The following SLC25A36 variants were observed in gnomAD, a reference collection of about 807,000 sequenced individuals.
SLC25A36 encodes epididymis secretory sperm binding protein.
A neutral mutation model predicts 35.3 loss-of-function variants in SLC25A36; 24 were observed. The observed-to-expected ratio is 0.68, with a 90% CI of 0.49 to 0.96. The LOEUF (loss-of-function observed/expected upper bound fraction) is 0.96, where lower values mean the gene tolerates loss of function less well. Among genes scored for constraint, SLC25A36 ranks in the 40% least tolerant of loss-of-function variants. The probability of loss-of-function intolerance (pLI) is 0.00; values close to 1 mark genes in which losing one functional copy is unlikely to be tolerated. For missense variants in SLC25A36, 294 were observed against 381.1 expected (o/e 0.77, Z 1.90); for synonymous variants, 141 against 132.2 (o/e 1.07, Z -0.46).
intron 4 of SLC25A36, chr3:140,964,553 T>C (rs2107804231): frequency 6.6e-6 from 1 of 152,014 alleles, no homozygotes; most frequent in South Asian, 2.1e-4. Flanking sequence ...TGTTGAATAT[T>C]AGTAGATAGG....
intron 2 of SLC25A36, among the ~76,000 whole-genome samples, chr3:140,957,992 A>G (rs936789420): frequency 1.3e-5 from 2 of 151,988 alleles, no homozygotes; most frequent in East Asian, 1.9e-4. Context: ...AGCTCTTTAT[A>G]TATTAATTTA....
chr3:140,960,216 C>T (rs140379474), intron 3 of SLC25A36, among the ~76,000 whole-genome samples: 1 of 152,224 alleles, frequency 6.6e-6, no homozygotes, highest in East Asian at 1.9e-4. Context: ...AAAATCTACA[C>T]AGGGCTAAGG....
chr3:140,976,201 T>A, intron 6 of SLC25A36, 59 bp from the exon 7 acceptor site: 1 of 1,159,010 alleles, frequency 8.6e-7, no homozygotes, highest in Non-Finnish European at 1.2e-6. Context: ...TGTGCTCAGT[T>A]ATAATTAGAA....
intron 5 of SLC25A36, among the ~76,000 whole-genome samples, chr3:140,972,024 T>G (rs1478790168): frequency 6.6e-6 from 1 of 152,236 alleles, no homozygotes; most frequent in Non-Finnish European, 1.5e-5. Context: ...TTGTTTCATC[T>G]GAAATAGATC....
chr3:140,947,954 A>AACT (rs1448871694), intron 1 of SLC25A36, among the ~76,000 whole-genome samples: 1 of 151,232 alleles, frequency 6.6e-6, no homozygotes, highest in Non-Finnish European at 1.5e-5. Context: ...TGGTTTTTTT[A>AACT]ATTATTATTA....
rs1291991939 is a variant in SLC25A36, at chr3:140,979,231, G to GT, written c.*2780dup. On this transcript the variant is annotated 3_prime_UTR_variant, in exon 7 of 7. Coordinates refer to ENST00000324194, the MANE Select transcript of SLC25A36 (RefSeq NM_001104647.3). ...ATTATCTGTGAGATAGCATTACTATGTTAGGACCAGCAGAGTTTGGGTTGG... is the reference window on the plus strand; with the variant it reads ...ATTATCTGTGAGATAGCATTACTATGTTTAGGACCAGCAGAGTTTGGGTTGG... The GT allele has an allele frequency of 6.6e-6, 1 of 152,156 alleles. No individual in the cohort carries two copies. Among genetic ancestry groups the GT allele is most frequent in the Non-Finnish European group, 1.5e-5 (1 of 68,014 alleles). 9.4% of individuals were successfully genotyped at this position (152,156 alleles called of 1,614,324 possible).
chr3:140,972,277 A>G (rs1278802946), intron 5 of SLC25A36, among the ~76,000 whole-genome samples: 4 of 152,098 alleles, frequency 2.6e-5, no homozygotes, highest in Non-Finnish European at 4.4e-5. Flanking sequence ...TATAATTGTA[A>G]CACAAGCTGG....
chr3:140,978,498 A>G lies in SLC25A36; in HGVS notation c.*2045A>G, dbSNP rs1436299582. ...AGTCTTACTGATCTCAGTACCCCAC[A>G]AATGATTAAGAATGATATGAAAACC... On this transcript the variant is annotated 3_prime_UTR_variant, in exon 7 of 7. Transcript: ENST00000324194. 2.6e-5 allele frequency: 4 copies of G among 152,306 alleles called. No homozygotes were observed. The East Asian group carries it at 7.7e-4, about 29-fold the overall frequency. The allele number at this position is 152,306 out of a possible 1,614,324, so 9.4% of individuals were successfully genotyped here.
chr3:140,974,687 T>A (rs997453451), intron 6 of SLC25A36, among the ~76,000 whole-genome samples: 1 of 152,212 alleles, frequency 6.6e-6, no homozygotes, highest in African/African-American at 2.4e-5. Context: ...TTGTTTTAAG[T>A]GTCGCTTTTG....
At chr3:140,942,684 CCACCTCG>C (rs1271637264) in intron 1 of SLC25A36, 2 of 152,228 alleles carry the variant, frequency 1.3e-5, no homozygotes, top group African/African-American at 4.8e-5. Context: ...CACTCACGCC[CCACCTCG>C]GACCTCGGGC....
chr3:140,974,130 G>A (rs1934977040), intron 6 of SLC25A36, 125 bp downstream of exon 6: 1 of 656,894 alleles, frequency 1.5e-6, no homozygotes, highest in South Asian at 2.3e-5. Flanking sequence ...AGTTCATAAT[G>A]AGATTAAATC....
intron 3 of SLC25A36, among the ~76,000 whole-genome samples, chr3:140,961,651 C>G (rs976807691): frequency 6.6e-6 from 1 of 151,796 alleles, no homozygotes; most frequent in African/African-American, 2.4e-5. Context: ...GTCAGGAGAT[C>G]GAGACCATCC....
At chr3:140,949,066 C>A (rs571547340) in intron 1 of SLC25A36, among the ~76,000 whole-genome samples, 1 of 152,170 alleles carries the variant, frequency 6.6e-6, no homozygotes, top group African/African-American at 2.4e-5. Flanking sequence ...CTTGTTTGCA[C>A]AGGGTTGTTT....
intron 3 of SLC25A36, 78 bp downstream of exon 3, chr3:140,959,618 T>A (rs571922857): frequency 6.9e-6 from 4 of 580,502 alleles, no homozygotes; most frequent in Non-Finnish European, 1.1e-5. Flanking sequence ...TAATCATTTA[T>A]AGATACAGTT....
chr3:140,954,714 T>A (rs531106109), intron 1 of SLC25A36, among the ~76,000 whole-genome samples: 1 of 152,364 alleles, frequency 6.6e-6, no homozygotes, highest in Admixed American at 6.5e-5. Context: ...ATTTTATTCC[T>A]GACTGTAAGC....
intron 5 of SLC25A36, among the ~76,000 whole-genome samples, chr3:140,971,519 A>G (rs761966551): frequency 1.7e-4 from 26 of 152,176 alleles, no homozygotes; most frequent in Non-Finnish European, 3.4e-4. Flanking sequence ...AGATACTGCT[A>G]CGTCTTAGAG....
chr3:140,972,196 GT>G (rs1329863488), intron 5 of SLC25A36, among the ~76,000 whole-genome samples: 2 of 152,142 alleles, frequency 1.3e-5, no homozygotes, highest in African/African-American at 4.8e-5. Context: ...GTTTCACTAT[GT>G]TTAGCGTTGC....
At chr3:140,961,855 C>CAAAAAAAAAAAAAAAAAAAAAAAAAAA (rs553759457) in intron 3 of SLC25A36, among the ~76,000 whole-genome samples, 1 of 35,832 alleles carries the variant, frequency 2.8e-5, no homozygotes, top group Non-Finnish European at 5.8e-5. Context: ...GGCTCCGTCT[C>CAAAAAAAAAAAAAAAAAAAAAAAAAAA]AAAAAAAAAA....
intron 4 of SLC25A36, chr3:140,963,475 A>G (rs986565539): frequency 4.3e-5 from 12 of 282,184 alleles, no homozygotes; most frequent in Admixed American, 1.1e-4. Flanking sequence ...AGTCCACTGA[A>G]TGTTTAGTGA....
Sources: gnomAD v4.1 joint callset for allele counts (sites outside exome capture counted in the v4.1 genomes callset) on GRCh38, gnomAD v4.1.1 for gene constraint, MANE v1.5 for transcripts, NCBI Gene and HGNC (gene_info 2026-07-23, HGNC 2026-07-21) for gene names.